Variants in CNTN5 observed in about 807,000 individuals in gnomAD.
The protein encoded by CNTN5 is contactin 5, also known as contactin-5.
A neutral mutation model predicts 129.1 loss-of-function variants in CNTN5; 77 were observed. The ratio of observed to expected loss-of-function variants is 0.60; its 90% confidence interval spans 0.50 to 0.72. The LOEUF (loss-of-function observed/expected upper bound fraction) is 0.72. Ranked by LOEUF, CNTN5 falls within the 30% of genes least tolerant of loss-of-function variation. The pLI is 0.00. For synonymous variants in CNTN5, 509 were observed against 465.6 expected (o/e 1.09, Z -1.20); for missense variants, 1,478 against 1,328.8 (o/e 1.11, Z -1.75).
chr11:100,277,111 G>C (rs555544578), intron 18 of CNTN5, among the ~76,000 whole-genome samples: 39 of 152,136 alleles, frequency 2.6e-4, no homozygotes, highest in Non-Finnish European at 4.4e-4. Flanking sequence ...CACTTAACAT[G>C]ATGATCTCCA....
At chr11:99,807,401 T>C (rs1174635088) in intron 3 of CNTN5, among the ~76,000 whole-genome samples, 1 of 152,188 alleles carries the variant, frequency 6.6e-6, no homozygotes, top group Non-Finnish European at 1.5e-5. Context: ...GACAGATAAA[T>C]TCATCTATAG....
At chr11:99,950,808 G>C (rs1414528431) in intron 7 of CNTN5, among the ~76,000 whole-genome samples, 2 of 152,166 alleles carry the variant, frequency 1.3e-5, no homozygotes. Flanking sequence ...TTTATGGATA[G>C]TGAAACTAAA....
intron 2 of CNTN5, among the ~76,000 whole-genome samples, chr11:99,534,997 G>T (rs763867970): frequency 6.6e-6 from 1 of 152,174 alleles, no homozygotes; most frequent in Non-Finnish European, 1.5e-5. Flanking sequence ...AATAGAAAGA[G>T]CACTATGTGT....
intron 3 of CNTN5, among the ~76,000 whole-genome samples, chr11:99,633,651 G>C: frequency 6.6e-6 from 1 of 152,138 alleles, no homozygotes; most frequent in Non-Finnish European, 1.5e-5. Flanking sequence ...ACCCAGAAAA[G>C]TAAACCATTT....
intron 18 of CNTN5, among the ~76,000 whole-genome samples, chr11:100,285,505 A>T (rs1056194325): frequency 1.3e-5 from 2 of 152,162 alleles, no homozygotes; most frequent in Non-Finnish European, 2.9e-5. Context: ...TTTTCATCTT[A>T]TCTAATTAGT....
At chr11:99,418,543 T>G (rs1379709474) in intron 2 of CNTN5, among the ~76,000 whole-genome samples, 2 of 152,212 alleles carry the variant, frequency 1.3e-5, no homozygotes, top group African/African-American at 2.4e-5. Context: ...ATTGGATTAT[T>G]TGATCTTTAG....
chr11:99,969,403 T>A (rs553803057), intron 8 of CNTN5, among the ~76,000 whole-genome samples: 29 of 152,258 alleles, frequency 1.9e-4, no homozygotes, highest in East Asian at 9.7e-4. Flanking sequence ...GAACTTTGAG[T>A]TGACTTTTGC....
At chr11:99,278,223 T>A (rs1157835271) in intron 1 of CNTN5, among the ~76,000 whole-genome samples, 1 of 151,682 alleles carries the variant, frequency 6.6e-6, no homozygotes, top group East Asian at 1.9e-4. Flanking sequence ...ATATTTATTA[T>A]GTGCTTACTA....
Position 99,997,774 on chromosome 11 carries a change from G to A in CNTN5, c.878-4260G>A, listed in dbSNP as rs558022933. 1.6e-3 allele frequency among the ~76,000 whole-genome samples: 245 copies of A among 152,046 alleles called. 1 individual carries two copies. The highest frequency in any genetic ancestry group is 2.6e-3 in the Non-Finnish European group (178 of 67,980). On this transcript the variant is annotated intron_variant, in intron 8 of 24. Coordinates refer to ENST00000524871, the MANE Select transcript of CNTN5 (RefSeq NM_014361.4). ...ATCCTCAATAAAATACTGGCAAACC[G>A]AATCCAGCAGCACATCAAAAAGCTT... is the stretch of plus-strand genomic sequence containing the variant.
intron 9 of CNTN5, among the ~76,000 whole-genome samples, chr11:100,012,003 G>A (rs959908156): frequency 6.6e-6 from 1 of 152,044 alleles, no homozygotes; most frequent in Non-Finnish European, 1.5e-5. Flanking sequence ...AGTCACTAAG[G>A]GCTGTAGGAA....
At chr11:100,285,948 CG>C (rs1459547064) in intron 18 of CNTN5, among the ~76,000 whole-genome samples, 1 of 152,208 alleles carries the variant, frequency 6.6e-6, no homozygotes, top group Admixed American at 6.5e-5. Flanking sequence ...ACTTGGGAAG[CG>C]CAAGGGGTCA....
chr11:99,694,050 A>C (rs746159784), intron 3 of CNTN5, among the ~76,000 whole-genome samples: 6 of 152,126 alleles, frequency 3.9e-5, no homozygotes, highest in Non-Finnish European at 7.4e-5. Context: ...AGGCTTAAGC[A>C]AATAATGTTG....
chr11:100,190,819 G>A (rs971355844), intron 13 of CNTN5, among the ~76,000 whole-genome samples: 1 of 151,142 alleles, frequency 6.6e-6, no homozygotes, highest in Non-Finnish European at 1.5e-5. Flanking sequence ...GGGTGATATT[G>A]TAGTAACAAG....
intron 13 of CNTN5, among the ~76,000 whole-genome samples, chr11:100,093,607 T>A (rs1176487367): frequency 1.3e-5 from 2 of 152,030 alleles, no homozygotes; most frequent in African/African-American, 4.8e-5. Flanking sequence ...ATTTAATTGA[T>A]GTCTTTTTGA....
intron 21 of CNTN5, among the ~76,000 whole-genome samples, chr11:100,325,145 A>G (rs1334176109): frequency 6.6e-6 from 1 of 152,170 alleles, no homozygotes; most frequent in African/African-American, 2.4e-5. Flanking sequence ...TAGGATTTTG[A>G]AACTCTTAGT....
intron 13 of CNTN5, among the ~76,000 whole-genome samples, chr11:100,113,866 C>CTTTTT (rs1945751338): frequency 6.6e-6 from 1 of 151,710 alleles, no homozygotes; most frequent in Admixed American, 6.6e-5. Flanking sequence ...TTTTTTAAAC[C>CTTTTT]TTTTAGCGTA....
chr11:100,130,150 T>C (rs189835816), intron 13 of CNTN5, among the ~76,000 whole-genome samples: 1 of 152,296 alleles, frequency 6.6e-6, no homozygotes, highest in Admixed American at 6.5e-5. Flanking sequence ...CTCATTGATA[T>C]CCGCATATTC....
At chr11:99,993,112 G>C (rs757097179) in intron 8 of CNTN5, among the ~76,000 whole-genome samples, 3 of 152,132 alleles carry the variant, frequency 2.0e-5, no homozygotes, top group Admixed American at 1.3e-4. Flanking sequence ...AAAGGAATTT[G>C]AAGCTAAACT....
chr11:99,707,615 G>A (rs1175113355), intron 3 of CNTN5, among the ~76,000 whole-genome samples: 1 of 151,600 alleles, frequency 6.6e-6, no homozygotes, highest in East Asian at 1.9e-4. Context: ...GTTTTTCACA[G>A]GACTTGAGTC....
Sources: allele counts gnomAD v4.1 joint callset (sites outside exome capture counted in the v4.1 genomes callset), GRCh38; gene constraint gnomAD v4.1.1; transcripts MANE v1.5; gene names NCBI Gene and HGNC (gene_info 2026-07-23, HGNC 2026-07-21).